SELENOF: variants seen among roughly 807,000 people sequenced by gnomAD.
SELENOF encodes 15 kDa selenoprotein.
SELENOF carries 16 observed loss-of-function variants against 20.5 expected under a neutral mutation model. The ratio of observed to expected loss-of-function variants is 0.78; its 90% CI spans 0.53 to 1.19. SELENOF has a LOEUF of 1.19. Ranked by LOEUF, SELENOF falls within the 50% of genes most tolerant of loss-of-function variation. SELENOF has a pLI of 0.00. For missense variants in SELENOF, 215 were observed against 194.2 expected (o/e 1.11, Z -0.64); for synonymous variants, 78 against 74.5 (o/e 1.05, Z -0.24).
chr1:86,874,286 T>A (rs1002621849), intron 3 of SELENOF, among the ~76,000 whole-genome samples: 7 of 152,188 alleles, frequency 4.6e-5, no homozygotes, highest in Non-Finnish European at 8.8e-5. Context: ...TGGAGATTTC[T>A]AAAGAAAATC....
chr1:86,875,815 G>C (rs1570378844), intron 3 of SELENOF, among the ~76,000 whole-genome samples: 1 of 152,142 alleles, frequency 6.6e-6, no homozygotes, highest in South Asian at 2.1e-4. Context: ...GCTAAATTTT[G>C]AATGAACTGG....
chr1:86,895,271 T>C (rs1473321579), intron 2 of SELENOF, among the ~76,000 whole-genome samples: 1 of 152,226 alleles, frequency 6.6e-6, no homozygotes, highest in Non-Finnish European at 1.5e-5. Context: ...TATTTTCTTT[T>C]ACCCTACTTT....
At chr1:86,883,217 T>G (rs181650599) in intron 2 of SELENOF, among the ~76,000 whole-genome samples, 2 of 152,004 alleles carry the variant, frequency 1.3e-5, no homozygotes, top group African/African-American at 4.8e-5. Context: ...AATAAGGCAG[T>G]CACAAAAGGA....
Position 86,909,363 on chromosome 1 carries a change from A to G in SELENOF, c.84+4665T>C, listed in dbSNP as rs146245439. Reference sequence around the variant, plus strand: ...AACCTTAGGGAAGTTATAACAGTTCAATAAGGGTGAATTGTCCAGCACTCT... The same window carrying G: ...AACCTTAGGGAAGTTATAACAGTTCGATAAGGGTGAATTGTCCAGCACTCT... On this transcript the variant is annotated intron_variant, in intron 1 of 4. Transcript: ENST00000331835. Among the ~76,000 whole-genome samples, 1,146 of 152,294 alleles carry G rather than the reference A, an allele frequency of 7.5e-3. 15 individuals are homozygous for G. The highest frequency in any genetic ancestry group is 0.02 in the Middle Eastern group (6 of 294).
intron 3 of SELENOF, among the ~76,000 whole-genome samples, chr1:86,869,724 CTTCTTTCTTTCTTTTCTT>C (rs889843608): frequency 2.0e-5 from 3 of 148,958 alleles, no homozygotes; most frequent in African/African-American, 5.0e-5. Context: ...TCCTTCCTTC[CTTCTTTCTTTCTTTTCTT>C]TTCTTTCTTT....
chr1:86,884,038 T>A (rs995226960), intron 2 of SELENOF, among the ~76,000 whole-genome samples: 1 of 152,216 alleles, frequency 6.6e-6, no homozygotes, highest in African/African-American at 2.4e-5. Flanking sequence ...TTTGTTCTCA[T>A]CATAATGTGC....
intron 1 of SELENOF, among the ~76,000 whole-genome samples, chr1:86,907,839 T>C (rs1395845485): frequency 6.6e-6 from 1 of 151,804 alleles, no homozygotes; most frequent in Non-Finnish European, 1.5e-5. Context: ...CAAAAAAAAT[T>C]AGCTGGGGTG....
intron 2 of SELENOF, among the ~76,000 whole-genome samples, chr1:86,890,805 T>C (rs1659363705): frequency 6.6e-6 from 1 of 152,104 alleles, no homozygotes; most frequent in Non-Finnish European, 1.5e-5. Flanking sequence ...CCATCATGCC[T>C]GGCCTACGCA....
chr1:86,863,780 C>T (rs1031060044), intron 4 of SELENOF, among the ~76,000 whole-genome samples, 175 bp from the exon 5 acceptor site: 3 of 151,492 alleles, frequency 2.0e-5, no homozygotes, highest in East Asian at 1.9e-4. Context: ...TACAGGATTT[C>T]GGAAAAAAAG....
intron 3 of SELENOF, among the ~76,000 whole-genome samples, chr1:86,876,066 T>C (rs975333649): frequency 6.6e-6 from 1 of 151,668 alleles, no homozygotes; most frequent in Admixed American, 6.6e-5. Flanking sequence ...GGGTCTCTTT[T>C]GGTTGTTGTG....
intron 2 of SELENOF, among the ~76,000 whole-genome samples, chr1:86,887,797 T>C (rs934772310): frequency 4.9e-4 from 75 of 152,256 alleles, no homozygotes; most frequent in African/African-American, 1.6e-3. Flanking sequence ...CCCACCCCTA[T>C]GTATACTTTA....
chr1:86,878,946 TTAAA>T (rs1299578308), intron 3 of SELENOF, among the ~76,000 whole-genome samples: 10 of 152,104 alleles, frequency 6.6e-5, no homozygotes, highest in Non-Finnish European at 1.3e-4. Context: ...AAGTAGATAA[TTAAA>T]TATTTACACA....
At chr1:86,907,902 C>G (rs957442513) in intron 1 of SELENOF, among the ~76,000 whole-genome samples, 2 of 151,594 alleles carry the variant, frequency 1.3e-5, no homozygotes, top group African/African-American at 4.8e-5. Flanking sequence ...AGGAGAATCG[C>G]TTGAACCCGG....
At chr1:86,872,582 T>C (rs1301888435) in intron 3 of SELENOF, among the ~76,000 whole-genome samples, 1 of 150,470 alleles carries the variant, frequency 6.6e-6, no homozygotes, top group Non-Finnish European at 1.5e-5. Flanking sequence ...GGTTTCTCCA[T>C]GTTGGTCAGG....
intron 3 of SELENOF, 68 bp downstream of exon 3, chr1:86,880,594 T>C: frequency 1.2e-6 from 1 of 841,828 alleles, no homozygotes; most frequent in Non-Finnish European, 1.9e-6. Flanking sequence ...GAATATATAG[T>C]GAAAACGATT....
At chr1:86,908,705 A>C (rs542962740) in intron 1 of SELENOF, among the ~76,000 whole-genome samples, 1 of 152,332 alleles carries the variant, frequency 6.6e-6, no homozygotes, top group African/African-American at 2.4e-5. Context: ...TCTCAGAAAG[A>C]ATGATACACA....
chr1:86,903,600 A>T (rs1385820275), intron 1 of SELENOF, among the ~76,000 whole-genome samples, 152 bp from the exon 2 acceptor site: 2 of 152,154 alleles, frequency 1.3e-5, no homozygotes, highest in East Asian at 1.9e-4. Flanking sequence ...ATTTTAATTT[A>T]ATTTTATTTT....
At chr1:86,866,650 A>T (rs1196560735) in intron 4 of SELENOF, among the ~76,000 whole-genome samples, 1 of 152,174 alleles carries the variant, frequency 6.6e-6, no homozygotes. Flanking sequence ...AGGGCAAAAG[A>T]TCTGAACAGA....
intron 2 of SELENOF, among the ~76,000 whole-genome samples, chr1:86,892,334 C>T (rs760387465): frequency 2.0e-4 from 30 of 152,158 alleles, no homozygotes; most frequent in Non-Finnish European, 4.1e-4. Flanking sequence ...TTTTAAAAAA[C>T]CTTCTTTGTG....
Sources: gnomAD v4.1 joint callset for allele counts (sites outside exome capture counted in the v4.1 genomes callset) on GRCh38, gnomAD v4.1.1 for gene constraint, MANE v1.5 for transcripts, NCBI Gene and HGNC (gene_info 2026-07-23, HGNC 2026-07-21) for gene names.